The following ISCA1 variants were observed in gnomAD, a reference collection of about 807,000 sequenced individuals.
ISCA1 encodes iron-sulfur cluster assembly 1 homolog, mitochondrial.
In ISCA1, 9 loss-of-function variants were observed where a neutral mutation model predicts 14.7. The ratio of observed to expected loss-of-function variants is 0.61; its 90% CI spans 0.37 to 1.07. ISCA1 has a LOEUF of 1.07. Among genes scored for constraint, ISCA1 ranks in the 50% least tolerant of loss-of-function variants. The probability of loss-of-function intolerance (pLI) is 0.01; values close to 1 mark genes in which losing one functional copy is unlikely to be tolerated. For synonymous variants in ISCA1, 38 were observed against 54.3 expected (o/e 0.70, Z 1.32); for missense variants, 102 against 150.1 (o/e 0.68, Z 1.67).
At position 86,282,168 on chromosome 9, in the gene ISCA1, C is replaced by T; in HGVS notation, c.81+210G>A. On this transcript the variant is annotated intron_variant, in intron 1 of 3. Coordinates refer to ENST00000375991, the MANE Select transcript of ISCA1 (RefSeq NM_030940.4). The stretch of plus-strand genomic sequence containing the variant: ...TGACGGGAAACGTAGTTTCCGGGGC[C>T]AAGAGAGCAGCCCCGCCCGGGACTT... The T allele has an allele frequency of 5.1e-6, 3 of 585,364 alleles. No homozygotes were observed. In the South Asian group the frequency reaches 7.0e-5, roughly 14 times the overall value. The allele number at this position is 585,364 out of a possible 1,614,324, so 36.3% of individuals were successfully genotyped here.
intron 1 of ISCA1, among the ~76,000 whole-genome samples, chr9:86,275,559 C>T (rs945447285): frequency 1.3e-5 from 2 of 152,164 alleles, no homozygotes; most frequent in African/African-American, 4.8e-5. Context: ...AATGTGAAGA[C>T]CAACATGTCT....
chr9:86,279,145 C>A (rs1413500026), intron 1 of ISCA1, among the ~76,000 whole-genome samples: 1 of 152,216 alleles, frequency 6.6e-6, no homozygotes, highest in African/African-American at 2.4e-5. Context: ...GAGCATTAAG[C>A]ATTTCCTAGC....
chr9:86,282,005 C>G (rs1825523210), intron 1 of ISCA1: 1 of 212,518 alleles, frequency 4.7e-6, no homozygotes, highest in African/African-American at 2.3e-5. Flanking sequence ...CCGGGAACCC[C>G]CGCCACCGGG....
chr9:86,268,865 G>T (rs1825327295), intron 3 of ISCA1, among the ~76,000 whole-genome samples: 1 of 152,076 alleles, frequency 6.6e-6, no homozygotes, highest in Admixed American at 6.5e-5. Context: ...CATGGTCTCG[G>T]CTCACTGCAA....
chr9:86,279,591 A>G (rs1825484138), intron 1 of ISCA1, among the ~76,000 whole-genome samples: 1 of 152,186 alleles, frequency 6.6e-6, no homozygotes, highest in Non-Finnish European at 1.5e-5. Flanking sequence ...CCTAACATCA[A>G]AATTTATATA....
chr9:86,268,943 T>C (rs1825328847), intron 3 of ISCA1, among the ~76,000 whole-genome samples: 1 of 151,772 alleles, frequency 6.6e-6, no homozygotes, highest in Admixed American at 6.6e-5. Flanking sequence ...TACAGGCGTG[T>C]GCCACCACAC....
chr9:86,272,191 C>A, intron 2 of ISCA1, 79 bp from the exon 3 acceptor site: 1 of 844,990 alleles, frequency 1.2e-6, no homozygotes, highest in Non-Finnish European at 2.0e-6. Context: ...TGACAGTAGC[C>A]TCCTCGTACC....
chr9:86,274,235 G>A lies in ISCA1; in HGVS notation c.89C>T (p.Ser30Leu). ...PTRAALTLTP[S>L]AVNKIKQLLK... Reference sequence around the variant, plus strand: ...AAGTTGTTTTATCTTGTTTACTGCTGAAGGTGTCTGAAAAAAGAAAATGAT... The same window carrying A: ...AAGTTGTTTTATCTTGTTTACTGCTAAAGGTGTCTGAAAAAAGAAAATGAT... Residue 30 changes from serine to leucine, a missense_variant, in exon 2 of 4, where the codon TCA (serine) becomes TTA (leucine). By Grantham distance (145) the Ser-to-Leu change is moderately radical. Transcript: ENST00000375991. The A allele has an allele frequency of 6.3e-7, 1 of 1,586,792 alleles. No homozygotes were observed. The highest frequency in any genetic ancestry group is 8.7e-7 in the Non-Finnish European group (1 of 1,155,880).
At chr9:86,273,139 A>C (rs1825393529) in intron 2 of ISCA1, among the ~76,000 whole-genome samples, 1 of 152,224 alleles carries the variant, frequency 6.6e-6, no homozygotes, top group African/African-American at 2.4e-5. Flanking sequence ...GAAATTTAAT[A>C]ATTTTAAAAG....
At position 86,269,783 on chromosome 9, in the gene ISCA1, C is replaced by T. The variant is rs867060473; in HGVS notation, c.241+2224G>A. On this transcript the variant is annotated intron_variant, in intron 3 of 3. Coordinates refer to ENST00000375991, the MANE Select transcript of ISCA1 (RefSeq NM_030940.4). ...AACAGAACAGAGCCCTCAGAAATAA[C>T]GCCGCATATCTACAACTATCTGATC... Among the ~76,000 whole-genome samples, 857 of 151,200 alleles carry T rather than the reference C, an allele frequency of 5.7e-3. 5 individuals carry two copies. Among genetic ancestry groups the T allele is most frequent in the African/African-American group, 0.019 (789 of 41,340 alleles).
intron 3 of ISCA1, chr9:86,267,678 C>A: frequency 6.8e-6 from 5 of 732,620 alleles, no homozygotes; most frequent in Non-Finnish European, 8.3e-6. Context: ...ACTAAAAATA[C>A]AAAAATGAAC....
intron 2 of ISCA1, among the ~76,000 whole-genome samples, chr9:86,273,672 G>A (rs1401167961): frequency 6.6e-6 from 1 of 152,180 alleles, no homozygotes; most frequent in Non-Finnish European, 1.5e-5. Flanking sequence ...TTGCCCTCAG[G>A]GAGACATTTT....
In ISCA1 at chr9:86,265,584, T is replaced by C. The variant is rs1416494591; in HGVS notation, c.*459A>G. ...GTGAGGCAGCTGACAATGAAATTTT[T>C]CATAAAAATGTATAAAAAGGCTATG... On this transcript the variant is annotated 3_prime_UTR_variant, in exon 4 of 4. Coordinates refer to ENST00000375991, the MANE Select transcript of ISCA1 (RefSeq NM_030940.4). The C allele has an allele frequency of 5.1e-6, 1 of 195,524 alleles. No individual in the cohort carries two copies. The highest frequency in any genetic ancestry group is 1.4e-4 in the East Asian group (1 of 7,280). The allele number at this position is 195,524 out of a possible 1,614,324, so 12.1% of individuals were successfully genotyped here.
At chr9:86,279,623 CCAAT>C (rs1825484285) in intron 1 of ISCA1, among the ~76,000 whole-genome samples, 1 of 152,190 alleles carries the variant, frequency 6.6e-6, no homozygotes, top group African/African-American at 2.4e-5. Context: ...TTTATCCCTT[CCAAT>C]CAGTTTTACT....
At position 86,265,808 on chromosome 9, in the gene ISCA1, G is replaced by C. The variant is rs977538594; in HGVS notation, c.*235C>G. The C allele has an allele frequency of 1.5e-6, 1 of 653,468 alleles. No homozygotes were observed. The highest frequency in any genetic ancestry group is 2.9e-5 in the Admixed American group (1 of 34,534). 40.5% of individuals were successfully genotyped at this position (653,468 alleles called of 1,614,324 possible). A position where few individuals can be genotyped will look rare whatever the true frequency, so the allele number is the denominator to read the frequency against. On this transcript the variant is annotated 3_prime_UTR_variant, in exon 4 of 4. Coordinates refer to ENST00000375991, the MANE Select transcript of ISCA1 (RefSeq NM_030940.4). ...CAGGAAGGCAACTTTAATGAAACTG[G>C]TTCTAAAACAAAGGATACAAGAGAC...
intron 2 of ISCA1, among the ~76,000 whole-genome samples, 180 bp from the exon 3 acceptor site, chr9:86,272,292 C>T (rs1296734861): frequency 6.6e-6 from 1 of 152,232 alleles, no homozygotes; most frequent in Non-Finnish European, 1.5e-5. Flanking sequence ...AACGCTTCCA[C>T]CTCGGCCTCT....
At chr9:86,274,916 G>T (rs926060993) in intron 1 of ISCA1, among the ~76,000 whole-genome samples, 4 of 152,278 alleles carry the variant, frequency 2.6e-5, no homozygotes, top group Non-Finnish European at 5.9e-5. Flanking sequence ...CCAGAGAAAT[G>T]CTGTTTTAAC....
Position 86,274,189 on chromosome 9 carries a change from A to G in ISCA1, c.135T>C (p.His45=). 6.5e-7 allele frequency: 1 copy of G among 1,548,826 alleles called. No individual in the cohort carries two copies. The highest frequency in any genetic ancestry group is 1.1e-5 in the South Asian group (1 of 89,286). The stretch of plus-strand genomic sequence containing the variant: ...TGAATAATTAACTGGTTTTACTTAC[A>G]TGCTCAGGCTTATCTTTAAGAAGTT... ...IKQLLKDKPE[H]VGVKVGVRTR... is the part of the protein sequence containing the mutation. Residue 45 remains histidine (H), a splice_region_variant and synonymous_variant, in exon 2 of 4, where the codon CAT becomes CAC. Coordinates refer to ENST00000375991, the MANE Select transcript of ISCA1 (RefSeq NM_030940.4).
intron 2 of ISCA1, among the ~76,000 whole-genome samples, chr9:86,273,284 A>G (rs1400898019): frequency 6.6e-6 from 1 of 152,194 alleles, no homozygotes; most frequent in Non-Finnish European, 1.5e-5. Flanking sequence ...GGCAACTAAC[A>G]ATGTACAATT....
Sources: allele counts gnomAD v4.1 joint callset (sites outside exome capture counted in the v4.1 genomes callset), GRCh38; gene constraint gnomAD v4.1.1; transcripts MANE v1.5; gene names NCBI Gene and HGNC (gene_info 2026-07-23, HGNC 2026-07-21).